Variants in ACAD10 observed in about 807,000 individuals in gnomAD.
The protein encoded by ACAD10 is acyl-CoA dehydrogenase family member 10, also known as ACAD-10.
Under a neutral mutation model 116.8 loss-of-function variants are expected in ACAD10, and 112 were observed. That is an observed-to-expected ratio of 0.96 (90% confidence interval 0.82 to 1.12). The LOEUF (loss-of-function observed/expected upper bound fraction) is 1.12. Among genes scored for constraint, ACAD10 ranks in the 50% most tolerant of loss-of-function variants. The pLI, the probability that ACAD10 is intolerant of heterozygous loss-of-function variation, is 0.00. For missense variants in ACAD10, 1,259 were observed against 1,350.2 expected (o/e 0.93, Z 1.06); for synonymous variants, 486 against 510.6 (o/e 0.95, Z 0.65).
intron 12 of ACAD10, among the ~76,000 whole-genome samples, chr12:111,741,062 G>T (rs1344365806): frequency 7.2e-5 from 11 of 152,232 alleles, no homozygotes; most frequent in Admixed American, 5.9e-4. Flanking sequence ...GTGCTAGGTG[G>T]TCCTGGAGAT....
intron 1 of ACAD10, among the ~76,000 whole-genome samples, chr12:111,690,074 C>T (rs1385215104): frequency 1.3e-5 from 2 of 152,178 alleles, no homozygotes; most frequent in African/African-American, 4.8e-5. Context: ...CTCACAAATA[C>T]AGAGGGCTGA....
chr12:111,748,261 A>G, intron 16 of ACAD10, 56 bp from the exon 17 acceptor site: 1 of 1,603,774 alleles, frequency 6.2e-7, no homozygotes, highest in Non-Finnish European at 8.5e-7. Flanking sequence ...ACGTGTGTAG[A>G]GATTTGATGG....
At chr12:111,749,022 C>A in intron 17 of ACAD10, 151 bp from the exon 18 acceptor site, 1 of 1,612,852 alleles carries the variant, frequency 6.2e-7, no homozygotes, top group South Asian at 1.1e-5. Flanking sequence ...CTGTTTCCTG[C>A]CGTCCTTTTC....
intron 5 of ACAD10, among the ~76,000 whole-genome samples, chr12:111,710,986 G>C (rs1354811958): frequency 6.6e-6 from 1 of 152,136 alleles, no homozygotes. Flanking sequence ...ATGGGAAGAG[G>C]AAATGCATTC....
chr12:111,747,109 G>A lies in ACAD10; in HGVS notation c.2317G>A (p.Glu773Lys), dbSNP rs753263645. 7.8e-5 allele frequency: 126 copies of A among 1,613,250 alleles called. 1 individual carries two copies. Among genetic ancestry groups the A allele is most frequent in the Non-Finnish European group, 1.0e-4 (120 of 1,179,490 alleles). Residue 773 changes from glutamate to lysine, a missense_variant, in exon 15 of 21, where the codon GAA (glutamate) becomes AAA (lysine). By Grantham distance (56) the Glu-to-Lys change is moderately conservative (BLOSUM62 1). Transcript: ENST00000313698. ...NMELLVRYGT[E>K]AQKARWLIPL... The stretch of plus-strand genomic sequence containing the variant: ...GGAGCTGCTGGTGAGGTATGGCACC[G>A]AAGCGCAGAAGGCTCGCTGGCTGAT...
chr12:111,709,327 C>A (rs1304263690), intron 4 of ACAD10, among the ~76,000 whole-genome samples, 199 bp from the exon 5 acceptor site: 1 of 152,086 alleles, frequency 6.6e-6, no homozygotes, highest in African/African-American at 2.4e-5. Context: ...TCGAGTTTGC[C>A]CCCACGTTGT....
In ACAD10 at chr12:111,748,892, C is replaced by T. The variant is rs553316473; in HGVS notation, c.2645-281C>T. 2.5e-5 allele frequency: 26 copies of T among 1,031,404 alleles called. No homozygotes were observed. The African/African-American group carries it at 3.7e-4, about 15-fold the overall frequency. 63.9% of individuals were successfully genotyped at this position (1,031,404 alleles called of 1,614,324 possible). ...TTTCAGTGTTTTCATAGGATCACTA[C>T]ATTGTCACAAACCACTAGGAGCTTC... On this transcript the variant is annotated intron_variant, in intron 17 of 20. Transcript: ENST00000313698.
intron 16 of ACAD10, chr12:111,747,672 C>T (rs1381349215): frequency 1.2e-5 from 15 of 1,222,950 alleles, no homozygotes; most frequent in Middle Eastern, 3.4e-4. Context: ...TCCTGCTGTT[C>T]ATTCTGCTTT....
rs748222680 is a variant in ACAD10, at chr12:111,727,144, T to G, written c.1062-818T>G. The stretch of plus-strand genomic sequence containing the variant: ...GGGAGGCTGAGGCAGGATAATCGCT[T>G]GAACCCAGGAGAAGGAGGTTGCAGT... On this transcript the variant is annotated intron_variant, in intron 8 of 20. Transcript: ENST00000313698. 2.1e-4 allele frequency among the ~76,000 whole-genome samples: 32 copies of G among 152,156 alleles called. 1 individual carries two copies. Among genetic ancestry groups the G allele is most frequent in the Non-Finnish European group, 4.0e-4 (27 of 68,018 alleles).
intron 6 of ACAD10, among the ~76,000 whole-genome samples, chr12:111,713,624 CAAAAAAAAAAAGGAAAAG>C (rs1420329278): frequency 1.1e-4 from 12 of 112,830 alleles, no homozygotes; most frequent in African/African-American, 3.5e-4. Context: ...GACTCCATCT[CAAAAAAAAAAAGGAAAAG>C]AAAAAAAAAA....
At chr12:111,717,553 A>G (rs1347638193) in intron 7 of ACAD10, among the ~76,000 whole-genome samples, 3 of 151,942 alleles carry the variant, frequency 2.0e-5, no homozygotes, top group African/African-American at 2.4e-5. Flanking sequence ...TACAAACTGC[A>G]TATATAGTAT....
intron 18 of ACAD10, among the ~76,000 whole-genome samples, chr12:111,752,169 G>A (rs180872577): frequency 7.9e-5 from 12 of 151,806 alleles, no homozygotes; most frequent in Admixed American, 2.0e-4. Context: ...AGGCTGCAGC[G>A]ACCTGTGAGT....
At chr12:111,688,993 C>T (rs898536189) in intron 1 of ACAD10, among the ~76,000 whole-genome samples, 2 of 151,914 alleles carry the variant, frequency 1.3e-5, no homozygotes, top group Non-Finnish European at 2.9e-5. Context: ...GAGATCGAGA[C>T]CATTCTGGCC....
At chr12:111,693,154 T>C (rs536366304) in intron 2 of ACAD10, 1 of 485,904 alleles carries the variant, frequency 2.1e-6, no homozygotes, top group Admixed American at 3.6e-5. Context: ...CGGAGAGTTA[T>C]CCGTGGGAAG....
chr12:111,756,504 G>T lies in ACAD10; in HGVS notation c.*31G>T. On this transcript the variant is annotated 3_prime_UTR_variant, in exon 21 of 21. Transcript: ENST00000313698. ...TGGGGCTGCAGTGGCTCAATGTCCT[G>T]GCTGGTCCAGCTGTGCCCAGATCTG... 1 of 1,607,644 alleles carries T rather than the reference G, an allele frequency of 6.2e-7. No homozygotes were observed.
intron 5 of ACAD10, chr12:111,710,089 T>G: frequency 3.2e-6 from 1 of 310,930 alleles, no homozygotes; most frequent in Non-Finnish European, 6.3e-6. Flanking sequence ...TTTTTTCTAT[T>G]CTTTTTTTTT....
chr12:111,754,989 C>CTCACA (rs1236157604), intron 19 of ACAD10, among the ~76,000 whole-genome samples: 1 of 152,258 alleles, frequency 6.6e-6, no homozygotes, highest in African/African-American at 2.4e-5. Flanking sequence ...CCTCACCCAG[C>CTCACA]TCACATCAGC....
At chr12:111,738,375 C>T (rs1008205258) in intron 12 of ACAD10, among the ~76,000 whole-genome samples, 12 of 137,276 alleles carry the variant, frequency 8.7e-5, no homozygotes, top group East Asian at 2.5e-4. Flanking sequence ...GAACCTGGGA[C>T]GGGGAGGTTG....
At chr12:111,718,247 C>T (rs1888908027) in intron 7 of ACAD10, among the ~76,000 whole-genome samples, 2 of 151,936 alleles carry the variant, frequency 1.3e-5, no homozygotes, top group Admixed American at 1.3e-4. Context: ...TGGGGTTTCC[C>T]CATGTTGACC....
Sources: gnomAD v4.1 joint callset for allele counts (sites outside exome capture counted in the v4.1 genomes callset) on GRCh38, gnomAD v4.1.1 for gene constraint, MANE v1.5 for transcripts, NCBI Gene and HGNC (gene_info 2026-07-23, HGNC 2026-07-21) for gene names.